CASTOR2: variants seen among roughly 807,000 people sequenced by gnomAD.
CASTOR2 encodes GATS protein like 2.
A neutral mutation model predicts 31.2 loss-of-function variants in CASTOR2; 8 were observed. The ratio of observed to expected loss-of-function variants is 0.26; its 90% CI spans 0.15 to 0.46. The LOEUF (loss-of-function observed/expected upper bound fraction) is 0.46. Ranked by LOEUF, CASTOR2 falls within the 20% of genes least tolerant of loss-of-function variation. CASTOR2 has a pLI of 0.99. For missense variants in CASTOR2, 216 were observed against 382.1 expected (o/e 0.57, Z 3.62); for synonymous variants, 162 against 158.7 (o/e 1.02, Z -0.16).
Position 75,028,144 on chromosome 7 carries a change from G to C in CASTOR2, c.*3445G>C. The C allele has an allele frequency of 7.3e-7, 1 of 1,364,772 alleles. No individual in the cohort carries two copies. The highest frequency in any genetic ancestry group is 9.7e-7 in the Non-Finnish European group (1 of 1,026,826). 84.5% of individuals were successfully genotyped at this position (1,364,772 alleles called of 1,614,324 possible). A position where few individuals can be genotyped will look rare whatever the true frequency, so the allele number is the denominator to read the frequency against. The stretch of plus-strand genomic sequence containing the variant: ...TTTTTTTTTTTTTTTTTGAGACGGA[G>C]TCTTGCTCTGTCGCCCAGGCTGGAG... On this transcript the variant is annotated 3_prime_UTR_variant, in exon 9 of 9. Coordinates refer to ENST00000616305, the MANE Select transcript of CASTOR2 (RefSeq NM_001145064.3).
chr7:74,992,356 C>T (rs1554437439), intron 1 of CASTOR2, among the ~76,000 whole-genome samples: 101 of 152,296 alleles, frequency 6.6e-4, no homozygotes, highest in African/African-American at 2.3e-3. Context: ...AATCCTAACT[C>T]TTCGGGAGGC....
intron 1 of CASTOR2, among the ~76,000 whole-genome samples, chr7:75,003,045 C>T (rs1804531698): frequency 6.6e-6 from 1 of 152,024 alleles, no homozygotes; most frequent in Admixed American, 6.6e-5. Context: ...AACTGCCCGG[C>T]AATAGGGGGA....
chr7:75,025,621 C>T lies in CASTOR2; in HGVS notation c.*922C>T, dbSNP rs1262649924. On this transcript the variant is annotated 3_prime_UTR_variant, in exon 9 of 9. Coordinates refer to ENST00000616305, the MANE Select transcript of CASTOR2 (RefSeq NM_001145064.3). ...CCGCCGTCCTCCTCCCTCCTCTGCC[C>T]CCAAGTCACCTGCCTGCCCACCCGC... is the stretch of plus-strand genomic sequence containing the variant. Among the ~76,000 whole-genome samples, 5 of 152,250 alleles carry T rather than the reference C, an allele frequency of 3.3e-5. No individual in the cohort carries two copies. The highest frequency in any genetic ancestry group is 2.6e-4 in the Admixed American group (4 of 15,290).
intron 1 of CASTOR2, among the ~76,000 whole-genome samples, chr7:74,987,403 GA>G (rs1211864183): frequency 0.03 from 2,782 of 91,564 alleles, 55 homozygotes; most frequent in African/African-American, 0.092. Context: ...GTCTCAAAAA[GA>G]AAAAAAAAAA....
intron 1 of CASTOR2, among the ~76,000 whole-genome samples, chr7:74,987,077 C>CTG (rs1491103505): frequency 4.0e-5 from 6 of 150,250 alleles, no homozygotes; most frequent in African/African-American, 1.5e-4. Context: ...GGATCTTCCC[C>CTG]TGTGTTTATG....
intron 5 of CASTOR2, 75 bp from the exon 6 acceptor site, chr7:75,019,964 C>T: frequency 7.0e-7 from 1 of 1,427,224 alleles, no homozygotes; most frequent in Non-Finnish European, 9.6e-7. Context: ...GGGCAGGGCC[C>T]AGCTTCCCTG....
chr7:75,012,003 A>G (rs1804761905), intron 2 of CASTOR2, among the ~76,000 whole-genome samples: 1 of 151,942 alleles, frequency 6.6e-6, no homozygotes, highest in Non-Finnish European at 1.5e-5. Flanking sequence ...GTAAAGACCC[A>G]TTTTACAAGC....
intron 1 of CASTOR2, among the ~76,000 whole-genome samples, chr7:74,998,600 C>G (rs1395161227): frequency 1.7e-5 from 2 of 120,114 alleles, no homozygotes; most frequent in African/African-American, 6.4e-5. Flanking sequence ...GACTCCATCT[C>G]AAAAAAAAAA....
chr7:74,996,907 G>A (rs1804365967), intron 1 of CASTOR2, among the ~76,000 whole-genome samples: 1 of 150,366 alleles, frequency 6.7e-6, no homozygotes, highest in Admixed American at 6.6e-5. Flanking sequence ...TTTTTTGTGT[G>A]TGTTTTTAGT....
intron 1 of CASTOR2, among the ~76,000 whole-genome samples, chr7:74,990,240 T>G (rs1332572338): frequency 9.2e-5 from 14 of 151,672 alleles, no homozygotes; most frequent in African/African-American, 3.1e-4. Context: ...TACAAAAAAT[T>G]AGCCGGGCAT....
At position 75,026,231 on chromosome 7, in the gene CASTOR2, C is replaced by T. The variant is rs1398083185; in HGVS notation, c.*1532C>T. Among the ~76,000 whole-genome samples, 2 of 136,306 alleles carry T rather than the reference C, an allele frequency of 1.5e-5. No individual in the cohort carries two copies. Among genetic ancestry groups the T allele is most frequent in the African/African-American group, 5.4e-5 (2 of 36,952 alleles). The allele number at this position is 136,306 out of a possible 152,430, so 89.4% of individuals were successfully genotyped here. A position where few individuals can be genotyped will look rare whatever the true frequency, so the allele number is the denominator to read the frequency against. On this transcript the variant is annotated 3_prime_UTR_variant, in exon 9 of 9. Transcript: ENST00000616305. ...TGAGATGGGAGTCTGGCTCTGTTGCCTAGGCTGGAATGCAGTGGCACGATC... is the reference window on the plus strand; with the variant it reads ...TGAGATGGGAGTCTGGCTCTGTTGCTTAGGCTGGAATGCAGTGGCACGATC...
chr7:74,977,324 G>T (rs1803839091), intron 1 of CASTOR2, among the ~76,000 whole-genome samples: 1 of 151,714 alleles, frequency 6.6e-6, no homozygotes, highest in Non-Finnish European at 1.5e-5. Context: ...GGGCCAGTGG[G>T]ATTCTGGGTG....
chr7:75,001,824 G>A (rs1804504422), intron 1 of CASTOR2, among the ~76,000 whole-genome samples: 1 of 152,204 alleles, frequency 6.6e-6, no homozygotes. Context: ...GTAATAGTTT[G>A]TGGGAAGCAC....
Position 74,965,861 on chromosome 7 carries a change from C to A in CASTOR2, c.113+763C>A, listed in dbSNP as rs1229969709. Among the ~76,000 whole-genome samples the A allele has an allele frequency of 1.1e-4, 2 of 17,912 alleles. 1 individual carries two copies. The highest frequency in any genetic ancestry group is 1.9e-4 in the Non-Finnish European group (2 of 10,690). 11.8% of individuals were successfully genotyped at this position (17,912 alleles called of 152,430 possible). A position where few individuals can be genotyped will look rare whatever the true frequency, so the allele number is the denominator to read the frequency against. The stretch of plus-strand genomic sequence containing the variant: ...GGTAAAAGAGGGAATCACACACACA[C>A]ACACACACACACACACACACACTCT... On this transcript the variant is annotated intron_variant, in intron 1 of 8. Transcript: ENST00000616305.
rs2131961806 is a variant in CASTOR2 at position 75,027,010 on chromosome 7, T to A, written c.*2311T>A. Reference sequence around the variant, plus strand: ...ATATATACTTGAGCAATATATATGTTAATATATACTGTGTGCGCAGTCCGT... The same window carrying A: ...ATATATACTTGAGCAATATATATGTAAATATATACTGTGTGCGCAGTCCGT... On this transcript the variant is annotated 3_prime_UTR_variant, in exon 9 of 9. Coordinates refer to ENST00000616305, the MANE Select transcript of CASTOR2 (RefSeq NM_001145064.3). 1 of 152,398 alleles carries A rather than the reference T, an allele frequency of 6.6e-6. No homozygotes were observed. The highest frequency in any genetic ancestry group is 6.5e-5 in the Admixed American group (1 of 15,310). 9.4% of individuals were successfully genotyped at this position (152,398 alleles called of 1,614,324 possible).
intron 6 of CASTOR2, 130 bp downstream of exon 6, chr7:75,020,279 G>C (rs1804963459): frequency 5.4e-6 from 5 of 926,082 alleles, no homozygotes; most frequent in Non-Finnish European, 8.3e-6. Context: ...GTCTCGCTCT[G>C]TCGCCCAGGC....
At chr7:74,973,105 G>T (rs1803716640) in intron 1 of CASTOR2, among the ~76,000 whole-genome samples, 1 of 150,224 alleles carries the variant, frequency 6.7e-6, no homozygotes, top group Non-Finnish European at 1.5e-5. Context: ...GGAAAGACAG[G>T]CTAGCCCAAG....
chr7:75,010,840 G>GT (rs1414517356), intron 2 of CASTOR2, among the ~76,000 whole-genome samples: 1 of 151,608 alleles, frequency 6.6e-6, no homozygotes, highest in Non-Finnish European at 1.5e-5. Context: ...GAGTGGATTT[G>GT]TTTTTTTGTC....
rs1431137977 is a variant in CASTOR2, at chr7:75,017,224, G to A, written c.185-374G>A. ...AGCACTTGGGGAGGCTGATGCGGGC[G>A]GATCACGAGGTCAAGAGATTGAGAC... On this transcript the variant is annotated intron_variant, in intron 2 of 8. Transcript: ENST00000616305. 7.2e-5 allele frequency among the ~76,000 whole-genome samples: 11 copies of A among 152,244 alleles called. No individual in the cohort carries two copies. The East Asian group carries it at 2.1e-3, about 29-fold the overall frequency.
Sources: gnomAD v4.1 joint callset for allele counts (sites outside exome capture counted in the v4.1 genomes callset) on GRCh38, gnomAD v4.1.1 for gene constraint, MANE v1.5 for transcripts, NCBI Gene and HGNC (gene_info 2026-07-23, HGNC 2026-07-21) for gene names.